Variants in ERBB4 observed in about 807,000 individuals in gnomAD.
The protein encoded by ERBB4 is erb-b2 receptor tyrosine kinase 4, also known as receptor tyrosine-protein kinase erbB-4.
In ERBB4, 42 loss-of-function variants were observed where a neutral mutation model predicts 158.0. The observed-to-expected ratio is 0.27, with a 90% CI of 0.21 to 0.34. ERBB4 has a LOEUF of 0.34. ERBB4 is among the 10% of genes least tolerant of loss of function. The probability of loss-of-function intolerance (pLI) is 1.00; values close to 1 mark genes in which losing one functional copy is unlikely to be tolerated. For synonymous variants in ERBB4, 583 were observed against 558.7 expected, an observed-to-expected ratio of 1.04 and a Z score of -0.61; for missense variants, 1,333 against 1,624.1, an observed-to-expected ratio of 0.82 and a Z score of 3.08.
chr2:211,662,538 G>A (rs2071468154), intron 15 of ERBB4, among the ~76,000 whole-genome samples: 2 of 152,176 alleles, frequency 1.3e-5, no homozygotes, highest in Admixed American at 6.5e-5. Flanking sequence ...ATCACTGTAT[G>A]TGATGCAGAG....
At chr2:211,626,607 T>C (rs1002508635) in intron 17 of ERBB4, among the ~76,000 whole-genome samples, 9 of 152,156 alleles carry the variant, frequency 5.9e-5, no homozygotes, top group African/African-American at 2.2e-4. Flanking sequence ...AATAATTTTC[T>C]ATAAAAACAG....
At chr2:211,567,907 T>C (rs570089239) in intron 19 of ERBB4, among the ~76,000 whole-genome samples, 1 of 150,560 alleles carries the variant, frequency 6.6e-6, no homozygotes, top group African/African-American at 2.4e-5. Context: ...AAGGGAAAAA[T>C]CCCAATATTT....
At chr2:211,973,107 G>A (rs1098059) in intron 2 of ERBB4, among the ~76,000 whole-genome samples, 15,417 of 152,072 alleles carry the variant, frequency 0.1, 1,025 homozygotes, top group Middle Eastern at 0.17. Context: ...AAAAAAAAGT[G>A]GGCAAAAGAC....
chr2:212,451,718 C>G (rs1251968522), intron 1 of ERBB4, among the ~76,000 whole-genome samples: 1 of 152,172 alleles, frequency 6.6e-6, no homozygotes, highest in Non-Finnish European at 1.5e-5. Flanking sequence ...ATATTATTAA[C>G]TCTAGTATCT....
chr2:211,852,159 T>C (rs1220529365), intron 3 of ERBB4, among the ~76,000 whole-genome samples: 1 of 151,898 alleles, frequency 6.6e-6, no homozygotes, highest in Non-Finnish European at 1.5e-5. Flanking sequence ...TTTTAATTCA[T>C]TTATTACTTG....
rs1469524984 is a variant in ERBB4 at position 211,905,738 on chromosome 2, G to GTATATATA, written c.421+41691_421+41692insTATATATA. 3.4e-3 allele frequency among the ~76,000 whole-genome samples: 365 copies of GTATATATA among 108,188 alleles called. 4 individuals carry two copies. The highest frequency in any genetic ancestry group is 9.7e-3 in the African/African-American group (255 of 26,268). The allele number at this position is 108,188 out of a possible 152,430, so 71.0% of individuals were successfully genotyped here. A position where few individuals can be genotyped will look rare whatever the true frequency, so the allele number is the denominator to read the frequency against. On this transcript the variant is annotated intron_variant, in intron 3 of 27. Coordinates refer to ENST00000342788, the MANE Select transcript of ERBB4 (RefSeq NM_005235.3). ...TATATGTGTGTGTATGTGTGTGCAT[G>GTATATATA]TGTGTGTATATATATATATATATAT...
intron 19 of ERBB4, among the ~76,000 whole-genome samples, chr2:211,594,313 C>T (rs924562413): frequency 1.2e-4 from 19 of 152,020 alleles, no homozygotes; most frequent in Non-Finnish European, 1.9e-4. Flanking sequence ...GAAGCGTGCA[C>T]CTGTAGTCCC....
At chr2:211,416,884 G>A (rs1361334145) in intron 25 of ERBB4, among the ~76,000 whole-genome samples, 2 of 149,328 alleles carry the variant, frequency 1.3e-5, no homozygotes, top group African/African-American at 5.0e-5. Context: ...CTGCCAAAAT[G>A]TAACTGATGG....
At chr2:211,689,822 A>G (rs865895716) in intron 12 of ERBB4, among the ~76,000 whole-genome samples, 3 of 151,990 alleles carry the variant, frequency 2.0e-5, no homozygotes, top group Admixed American at 6.6e-5. Flanking sequence ...CATGATCTTC[A>G]GAGGAAATCC....
intron 3 of ERBB4, among the ~76,000 whole-genome samples, chr2:211,858,588 G>A (rs960104222): frequency 2.1e-5 from 2 of 96,854 alleles, no homozygotes; most frequent in African/African-American, 6.7e-5. Context: ...CTCACAAAAA[G>A]CCATTTTTTT....
chr2:212,260,934 C>T (rs77768831), intron 1 of ERBB4, among the ~76,000 whole-genome samples: 1 of 151,986 alleles, frequency 6.6e-6, no homozygotes, highest in Non-Finnish European at 1.5e-5. Flanking sequence ...GAAAGTTATG[C>T]ATAACGGCCT....
intron 1 of ERBB4, among the ~76,000 whole-genome samples, chr2:212,445,912 T>C (rs2092339076): frequency 1.3e-5 from 2 of 152,256 alleles, no homozygotes; most frequent in Non-Finnish European, 2.9e-5. Flanking sequence ...ATTTCCTCTT[T>C]CTTTTGCTGA....
intron 20 of ERBB4, among the ~76,000 whole-genome samples, chr2:211,549,204 T>C (rs1187033224): frequency 6.6e-6 from 1 of 152,136 alleles, no homozygotes; most frequent in African/African-American, 2.4e-5. Flanking sequence ...AATTGCAATT[T>C]TGAAGCACCA....
intron 2 of ERBB4, among the ~76,000 whole-genome samples, chr2:212,113,130 G>T (rs2079464981): frequency 6.6e-6 from 1 of 152,068 alleles, no homozygotes; most frequent in Non-Finnish European, 1.5e-5. Context: ...TCGAATTTGG[G>T]GGAGCATGTT....
chr2:211,551,263 C>A (rs892060227), intron 20 of ERBB4, among the ~76,000 whole-genome samples: 8 of 152,104 alleles, frequency 5.3e-5, no homozygotes, highest in African/African-American at 1.9e-4. Flanking sequence ...GGTCTGATGA[C>A]AATTAATCAC....
chr2:211,519,544 A>T (rs2066133567), intron 20 of ERBB4, among the ~76,000 whole-genome samples: 1 of 152,170 alleles, frequency 6.6e-6, no homozygotes, highest in African/African-American at 2.4e-5. Context: ...CTCAAAAAGC[A>T]AAAGTGGTTC....
At chr2:211,726,901 T>C (rs2074286867) in intron 5 of ERBB4, among the ~76,000 whole-genome samples, 1 of 152,176 alleles carries the variant, frequency 6.6e-6, no homozygotes, top group Admixed American at 6.5e-5. Context: ...GGAATCACAT[T>C]ACTCTGTTTC....
chr2:211,889,213 G>A (rs1018541913), intron 3 of ERBB4, among the ~76,000 whole-genome samples: 1 of 144,978 alleles, frequency 6.9e-6, no homozygotes, highest in Non-Finnish European at 1.5e-5. Flanking sequence ...AGAACCCGCA[G>A]ACTGCCTCCT....
chr2:211,853,289 CAG>C (rs1442074810), intron 3 of ERBB4, among the ~76,000 whole-genome samples: 2 of 152,030 alleles, frequency 1.3e-5, no homozygotes, highest in African/African-American at 4.8e-5. Flanking sequence ...TGAATAGGTC[CAG>C]AGTGAGCAGT....
Sources: gnomAD v4.1 joint callset for allele counts (sites outside exome capture counted in the v4.1 genomes callset) on GRCh38, gnomAD v4.1.1 for gene constraint, MANE v1.5 for transcripts, NCBI Gene and HGNC (gene_info 2026-07-23, HGNC 2026-07-21) for gene names.